Variants in TERB1 observed in about 807,000 individuals in gnomAD.
The protein encoded by TERB1 is telomere repeats-binding bouquet formation protein 1.
TERB1 carries 63 observed loss-of-function variants against 92.3 expected under a neutral mutation model. The observed-to-expected ratio is 0.68, with a 90% CI of 0.56 to 0.84. TERB1 has a LOEUF of 0.84. TERB1 is among the 40% of genes least tolerant of loss of function. TERB1 has a pLI of 0.00. For missense variants in TERB1, 709 were observed against 843.7 expected (o/e 0.84, Z 1.98); for synonymous variants, 252 against 283.9 (o/e 0.89, Z 1.13).
At chr16:66,758,722 C>T (rs559579489) in intron 18 of TERB1, 51 bp downstream of exon 18, 2 of 1,154,894 alleles carry the variant, frequency 1.7e-6, no homozygotes, top group African/African-American at 3.1e-5. Context: ...TCCTGGGTAA[C>T]AGAGCCAGAC....
At chr16:66,770,356 T>C in intron 13 of TERB1, 47 bp from the exon 14 acceptor site, 2 of 1,193,690 alleles carry the variant, frequency 1.7e-6, no homozygotes, top group East Asian at 2.6e-5. Flanking sequence ...CCATTCCCTT[T>C]ATAATCCAAT....
intron 9 of TERB1, among the ~76,000 whole-genome samples, chr16:66,781,763 G>C (rs1379448661): frequency 2.0e-5 from 3 of 152,034 alleles, no homozygotes; most frequent in African/African-American, 7.2e-5. Context: ...CTCGTGATCC[G>C]CCTGTCTCGG....
chr16:66,754,976 T>C lies in TERB1; in HGVS notation c.2184A>G (p.Ter728TrpextTer22). The change falls in exon 19 of 19, where the codon TGA (stop) becomes TGG (tryptophan). Residue 728 changes from the stop codon to tryptophan, a stop_lost. Transcript: ENST00000433154. The stretch of plus-strand genomic sequence containing the variant: ...CTAAAAACTGACAGTCTTCTTTCAA[T>C]CAAGAAGCTGCACACGTGGGGTGTT... Reference protein sequence around the residue: ...LTKHPTCAAS* With the variant: ...LTKHPTCAASW 1 of 1,546,082 alleles carries C rather than the reference T, an allele frequency of 6.5e-7. No individual in the cohort carries two copies. Among genetic ancestry groups the C allele is most frequent in the Non-Finnish European group, 8.7e-7 (1 of 1,145,710 alleles).
intron 10 of TERB1, 74 bp downstream of exon 10, chr16:66,778,789 A>G (rs1465666701): frequency 2.5e-6 from 3 of 1,190,740 alleles, no homozygotes; most frequent in Non-Finnish European, 2.2e-6. Flanking sequence ...TATTCAATCT[A>G]CTATTTCAAC....
At chr16:66,776,720 G>T (rs1289594980) in intron 11 of TERB1, among the ~76,000 whole-genome samples, 1 of 151,718 alleles carries the variant, frequency 6.6e-6, no homozygotes, top group Non-Finnish European at 1.5e-5. Context: ...AGAGGAGGAG[G>T]AAAATAAAAG....
chr16:66,773,884 C>CT (rs879344957), intron 12 of TERB1, among the ~76,000 whole-genome samples: 153 of 146,382 alleles, frequency 1.0e-3, no homozygotes, highest in African/African-American at 1.8e-3. Flanking sequence ...GAAACTCAAA[C>CT]TTTTTTTTTT....
At chr16:66,795,574 T>A (rs576331545) in intron 3 of TERB1, among the ~76,000 whole-genome samples, 1 of 152,294 alleles carries the variant, frequency 6.6e-6, no homozygotes, top group East Asian at 1.9e-4. Context: ...GAGAGTGAGG[T>A]GTGGGACTGA....
At chr16:66,789,017 CAAAAAAAAAAA>C (rs57876042) in intron 5 of TERB1, among the ~76,000 whole-genome samples, 1 of 68,330 alleles carries the variant, frequency 1.5e-5, no homozygotes, top group Non-Finnish European at 3.0e-5. Flanking sequence ...GGTATGGTAC[CAAAAAAAAAAA>C]AAAAAAAAAA....
chr16:66,790,300 GGGA>G (rs1448203041), intron 5 of TERB1, among the ~76,000 whole-genome samples: 2 of 147,886 alleles, frequency 1.4e-5, no homozygotes, highest in African/African-American at 5.0e-5. Flanking sequence ...GGGAGAGGAG[GGGA>G]GGAGAAGGGA....
In TERB1 at chr16:66,765,849, A is replaced by ATTTT. The variant is rs10564947; in HGVS notation, c.1780+1562_1780+1565dup. Among the ~76,000 whole-genome samples, 141 of 62,518 alleles carry ATTTT rather than the reference A, an allele frequency of 2.3e-3. 4 individuals carry two copies. The highest frequency in any genetic ancestry group is 3.1e-3 in the East Asian group (5 of 1,602). The allele number at this position is 62,518 out of a possible 152,430, so 41.0% of individuals were successfully genotyped here. A position where few individuals can be genotyped will look rare whatever the true frequency, so the allele number is the denominator to read the frequency against. Reference sequence around the variant, plus strand: ...TAGCAAATCAAACAAACTATTGGGTATTTTTTTTTTTTTTTTTTTTTTTTT... The same window carrying ATTTT: ...TAGCAAATCAAACAAACTATTGGGTATTTTTTTTTTTTTTTTTTTTTTTTTTTTT... On this transcript the variant is annotated intron_variant, in intron 16 of 18. Transcript: ENST00000433154.
intron 3 of TERB1, among the ~76,000 whole-genome samples, chr16:66,792,724 G>A (rs2018856210): frequency 1.3e-5 from 2 of 152,160 alleles, no homozygotes; most frequent in Non-Finnish European, 2.9e-5. Context: ...TACACATCTA[G>A]GTTGTATGGA....
chr16:66,775,335 T>C (rs570378667), intron 11 of TERB1, 92 bp from the exon 12 acceptor site: 22 of 1,256,434 alleles, frequency 1.8e-5, no homozygotes, highest in Non-Finnish European at 2.4e-5. Flanking sequence ...TGAACATAGT[T>C]CAAAATTTTA....
At chr16:66,761,044 G>A in intron 16 of TERB1, among the ~76,000 whole-genome samples, 1 of 144,110 alleles carries the variant, frequency 6.9e-6, no homozygotes, top group Non-Finnish European at 1.5e-5. Flanking sequence ...CCCGCCAGGT[G>A]GAGGTTGCAG....
In TERB1 at chr16:66,765,176, C is replaced by T. The variant is rs1291862277; in HGVS notation, c.1780+2239G>A. Reference sequence around the variant, plus strand: ...TGTTTGTGGAATGAATGAATGGTAACTAGGGGAGAAAGGAACAAGGAAATA... The same window carrying T: ...TGTTTGTGGAATGAATGAATGGTAATTAGGGGAGAAAGGAACAAGGAAATA... On this transcript the variant is annotated intron_variant, in intron 16 of 18. Coordinates refer to ENST00000433154, the MANE Select transcript of TERB1 (RefSeq NM_001136505.2). Among the ~76,000 whole-genome samples, 3 of 152,128 alleles carry T rather than the reference C, an allele frequency of 2.0e-5. No homozygotes were observed. In the South Asian group the frequency reaches 6.2e-4, roughly 32 times the overall value.
At chr16:66,800,802 T>C (rs1959257568) in intron 2 of TERB1, among the ~76,000 whole-genome samples, 175 bp downstream of exon 2, 1 of 152,154 alleles carries the variant, frequency 6.6e-6, no homozygotes, top group South Asian at 2.1e-4. Flanking sequence ...GAAAACGCAC[T>C]GTGGGTACCA....
intron 6 of TERB1, among the ~76,000 whole-genome samples, chr16:66,787,196 T>A (rs564697178): frequency 6.6e-6 from 1 of 152,212 alleles, no homozygotes; most frequent in African/African-American, 2.4e-5. Context: ...CCTCCAGAGC[T>A]CACTCAATTC....
intron 16 of TERB1, among the ~76,000 whole-genome samples, chr16:66,767,173 CAAAAAAA>C (rs879545796): frequency 1.0e-5 from 1 of 95,238 alleles, no homozygotes; most frequent in Non-Finnish European, 2.3e-5. Context: ...CGAAAAAATA[CAAAAAAA>C]AAAAAAAAAT....
chr16:66,765,895 C>T (rs1251998777), intron 16 of TERB1, among the ~76,000 whole-genome samples: 41 of 109,320 alleles, frequency 3.8e-4, no homozygotes, highest in African/African-American at 1.3e-3. Flanking sequence ...GACGGAGTCT[C>T]GCTCTGTCGC....
At chr16:66,768,842 G>A (rs1331700217) in intron 14 of TERB1, among the ~76,000 whole-genome samples, 5 of 152,098 alleles carry the variant, frequency 3.3e-5, no homozygotes, top group African/African-American at 4.8e-5. Flanking sequence ...GGTGGTTCAC[G>A]CCTGTAATCC....
Sources: allele counts gnomAD v4.1 joint callset (sites outside exome capture counted in the v4.1 genomes callset), GRCh38; gene constraint gnomAD v4.1.1; transcripts MANE v1.5; gene names NCBI Gene and HGNC (gene_info 2026-07-23, HGNC 2026-07-21).